The following ABCA6 variants were observed in gnomAD, a reference collection of about 807,000 sequenced individuals.
ABCA6 encodes the protein ATP-binding cassette sub-family A member 6.
Under a neutral mutation model 191.2 loss-of-function variants are expected in ABCA6, and 164 were observed. The observed-to-expected ratio is 0.86, with a 90% CI of 0.76 to 0.98. ABCA6 has a LOEUF of 0.98. Ranked by LOEUF, ABCA6 falls within the 50% of genes least tolerant of loss-of-function variation. The pLI is 0.00. For missense variants in ABCA6, 1,958 were observed against 1,894.1 expected, an observed-to-expected ratio of 1.03 and a Z score of -0.63; for synonymous variants, 636 against 647.7, an observed-to-expected ratio of 0.98 and a Z score of 0.27.
intron 17 of ABCA6, 71 bp downstream of exon 17, chr17:69,110,730 G>T (rs2073405792): frequency 6.7e-7 from 1 of 1,482,244 alleles, no homozygotes; most frequent in Non-Finnish European, 9.0e-7. Context: ...ATTGGACAAA[G>T]AAAATTATTT....
intron 8 of ABCA6, among the ~76,000 whole-genome samples, chr17:69,125,687 A>G (rs2073739054): frequency 6.6e-6 from 1 of 152,126 alleles, no homozygotes; most frequent in Non-Finnish European, 1.5e-5. Context: ...CCAGTTCCTT[A>G]CCCTGCACAC....
Position 69,113,613 on chromosome 17 carries a change from C to G in ABCA6, c.1902+5G>C. The G allele has an allele frequency of 2.5e-6, 4 of 1,612,880 alleles. No individual in the cohort carries two copies. In the South Asian group the frequency reaches 4.4e-5, roughly 18 times the overall value. ...GCTTCCTTCCCCATGCATAATCTCA[C>G]TTACTTGAGGATCTCCTAAAATGGT... On this transcript the variant is annotated splice_donor_5th_base_variant and intron_variant, in intron 14 of 38. Coordinates refer to ENST00000284425, the MANE Select transcript of ABCA6 (RefSeq NM_080284.3).
At chr17:69,139,907 T>G (rs1437355295) in intron 2 of ABCA6, among the ~76,000 whole-genome samples, 1 of 126,966 alleles carries the variant, frequency 7.9e-6, no homozygotes, top group African/African-American at 3.1e-5. Flanking sequence ...TGAGAACACA[T>G]GGACACAGGA....
intron 28 of ABCA6, 36 bp from the exon 29 acceptor site, chr17:69,087,509 C>A: frequency 1.2e-6 from 2 of 1,610,670 alleles, no homozygotes; most frequent in South Asian, 2.2e-5. Flanking sequence ...ATGTGGTATT[C>A]TAGCTGTTAA....
intron 19 of ABCA6, 70 bp downstream of exon 19, chr17:69,105,958 A>T: frequency 6.8e-7 from 1 of 1,469,094 alleles, no homozygotes; most frequent in Non-Finnish European, 9.1e-7. Context: ...TTCTAGTTTT[A>T]AATTATCTTC....
Position 69,113,613 on chromosome 17 carries a change from C to T in ABCA6, c.1902+5G>A. The T allele has an allele frequency of 1.2e-6, 2 of 1,612,880 alleles. No homozygotes were observed. Among genetic ancestry groups the T allele is most frequent in the Middle Eastern group, 1.7e-4 (1 of 6,042 alleles). ...GCTTCCTTCCCCATGCATAATCTCA[C>T]TTACTTGAGGATCTCCTAAAATGGT... On this transcript the variant is annotated splice_donor_5th_base_variant and intron_variant, in intron 14 of 38. Coordinates refer to ENST00000284425, the MANE Select transcript of ABCA6 (RefSeq NM_080284.3).
In ABCA6 at chr17:69,082,967, A is replaced by G; in HGVS notation, c.4522T>C (p.Tyr1508His). 1 of 1,614,230 alleles carries G rather than the reference A, an allele frequency of 6.2e-7. No homozygotes were observed. The highest frequency in any genetic ancestry group is 1.7e-5 in the Admixed American group (1 of 60,034). The change falls in exon 36 of 39, where the codon TAC becomes CAC. Residue 1508 changes from tyrosine to histidine, a missense_variant. Tyr to His is a moderately conservative substitution (Grantham distance 83). Transcript: ENST00000284425. ...TCCTTCACTTTTAGCTCTAGAATGT[A>G]ATCCTTGCCAAGTTTGTTTTTCAGG... is the stretch of plus-strand genomic sequence containing the variant. ...QHLKNKLGKD[Y>H]ILELKVKETS...
chr17:69,137,221 A>G, intron 3 of ABCA6, 75 bp downstream of exon 3: 1 of 1,379,532 alleles, frequency 7.2e-7, no homozygotes, highest in South Asian at 1.4e-5. Context: ...TTAACTTCAA[A>G]TTAATGTGTA....
chr17:69,141,425 AT>A (rs1371807639), intron 1 of ABCA6, among the ~76,000 whole-genome samples: 1 of 152,080 alleles, frequency 6.6e-6, no homozygotes, highest in African/African-American at 2.4e-5. Flanking sequence ...CGGGAAAGTA[AT>A]TTTGCCCAAA....
At chr17:69,139,739 CAT>C (rs1201597143) in intron 2 of ABCA6, among the ~76,000 whole-genome samples, 5 of 152,066 alleles carry the variant, frequency 3.3e-5, no homozygotes, top group South Asian at 4.1e-4. Flanking sequence ...AAATGTGACA[CAT>C]ATACACCATG....
intron 10 of ABCA6, 110 bp from the exon 11 acceptor site, chr17:69,118,066 T>G (rs540174680): frequency 1.5e-6 from 1 of 687,744 alleles, no homozygotes; most frequent in Admixed American, 2.8e-5. Flanking sequence ...TTATGTGAAA[T>G]AAGGGATGGC....
intron 8 of ABCA6, among the ~76,000 whole-genome samples, chr17:69,126,374 C>T (rs2073753647): frequency 6.6e-6 from 1 of 152,044 alleles, no homozygotes; most frequent in Non-Finnish European, 1.5e-5. Context: ...AGGCCAAGTG[C>T]ATGGATCACA....
chr17:69,105,155 C>G (rs2073267994), intron 20 of ABCA6: 4 of 286,544 alleles, frequency 1.4e-5, no homozygotes, highest in Non-Finnish European at 2.6e-5. Context: ...AAAGGGATCT[C>G]AAAATAGAAC....
chr17:69,090,278 G>GT (rs1441042892), intron 26 of ABCA6, among the ~76,000 whole-genome samples: 2 of 152,284 alleles, frequency 1.3e-5, no homozygotes, highest in South Asian at 2.1e-4. Flanking sequence ...ATCCAGAGTG[G>GT]TACAGAGCTC....
intron 8 of ABCA6, among the ~76,000 whole-genome samples, chr17:69,126,782 A>G (rs964868119): frequency 4.6e-5 from 7 of 152,192 alleles, no homozygotes; most frequent in Admixed American, 1.3e-4. Flanking sequence ...ACTGCATCAC[A>G]CTCTTAATGG....
At chr17:69,105,911 A>G in intron 19 of ABCA6, 117 bp downstream of exon 19, 2 of 1,163,088 alleles carry the variant, frequency 1.7e-6, no homozygotes, top group Non-Finnish European at 2.4e-6. Flanking sequence ...TAAATGCTGA[A>G]TTTATCCACC....
At position 69,082,926 on chromosome 17, in the gene ABCA6, A is replaced by T. The variant is rs1274340349; in HGVS notation, c.4563T>A (p.Thr1521=). ...GCTTCAGAATCTCAGTGTGGACCAA[A>T]GTCACTTGAGACGTTTCCTTCACTT... The part of the protein sequence containing the change: ...ELKVKETSQV[T]LVHTEILKLF... The change falls in exon 36 of 39, where the codon ACT becomes ACA. Residue 1521 remains threonine (T), a synonymous_variant. Coordinates refer to ENST00000284425, the MANE Select transcript of ABCA6 (RefSeq NM_080284.3). 6.2e-7 allele frequency: 1 copy of T among 1,614,096 alleles called. No individual in the cohort carries two copies. Among genetic ancestry groups the T allele is most frequent in the East Asian group, 2.2e-5 (1 of 44,906 alleles).
intron 36 of ABCA6, among the ~76,000 whole-genome samples, 164 bp downstream of exon 36, chr17:69,082,709 G>A (rs1002167507): frequency 2.6e-5 from 4 of 152,114 alleles, no homozygotes; most frequent in African/African-American, 4.8e-5. Context: ...AGCTTCCTGG[G>A]TAGGTCTCAA....
intron 12 of ABCA6, among the ~76,000 whole-genome samples, 178 bp from the exon 13 acceptor site, chr17:69,115,115 C>G (rs1392381838): frequency 6.6e-6 from 1 of 151,984 alleles, no homozygotes; most frequent in African/African-American, 2.4e-5. Flanking sequence ...AATTTGTGAA[C>G]TACTAATTAT....
Sources: allele counts gnomAD v4.1 joint callset (sites outside exome capture counted in the v4.1 genomes callset), GRCh38; gene constraint gnomAD v4.1.1; transcripts MANE v1.5; gene names NCBI Gene and HGNC (gene_info 2026-07-23, HGNC 2026-07-21).